The following LRMDA variants were observed in gnomAD, a reference collection of about 807,000 sequenced individuals.
LRMDA encodes leucine-rich melanocyte differentiation-associated protein.
Under a neutral mutation model 29.8 loss-of-function variants are expected in LRMDA, and 18 were observed. That is an observed-to-expected ratio of 0.60 (90% CI 0.42 to 0.90). The LOEUF (loss-of-function observed/expected upper bound fraction) is 0.90. Among genes scored for constraint, LRMDA ranks in the 40% least tolerant of loss-of-function variants. LRMDA has a pLI of 0.00. For synonymous variants in LRMDA, 125 were observed against 109.4 expected (o/e 1.14, Z -0.89); for missense variants, 273 against 273.9 (o/e 1.00, Z 0.02).
At chr10:75,502,517 A>T (rs939014607) in intron 2 of LRMDA, among the ~76,000 whole-genome samples, 1 of 152,066 alleles carries the variant, frequency 6.6e-6, no homozygotes, top group African/African-American at 2.4e-5. Context: ...GAACAGCCCT[A>T]GCTAAATCAC....
chr10:75,967,727 C>T (rs558698099), intron 2 of LRMDA, among the ~76,000 whole-genome samples: 4 of 151,186 alleles, frequency 2.6e-5, no homozygotes, highest in Admixed American at 1.3e-4. Flanking sequence ...GGCACAGAAC[C>T]GGCAAGGTCA....
intron 2 of LRMDA, among the ~76,000 whole-genome samples, chr10:75,830,723 G>A (rs1844326048): frequency 6.6e-6 from 1 of 152,172 alleles, no homozygotes; most frequent in Admixed American, 6.5e-5. Context: ...TGGGGACACA[G>A]AGTCAAACTA....
chr10:75,916,740 C>T (rs943692453), intron 2 of LRMDA, among the ~76,000 whole-genome samples: 1 of 152,204 alleles, frequency 6.6e-6, no homozygotes, highest in Non-Finnish European at 1.5e-5. Flanking sequence ...TTCTCCATCT[C>T]CAGGTGCGAA....
At chr10:75,544,515 T>A (rs1840054353) in intron 2 of LRMDA, among the ~76,000 whole-genome samples, 1 of 152,182 alleles carries the variant, frequency 6.6e-6, no homozygotes, top group African/African-American at 2.4e-5. Flanking sequence ...ACAGTTTTTC[T>A]TGTCTTCCTA....
chr10:76,024,151 A>G (rs1848022967), intron 2 of LRMDA, among the ~76,000 whole-genome samples: 1 of 152,246 alleles, frequency 6.6e-6, no homozygotes, highest in Non-Finnish European at 1.5e-5. Flanking sequence ...TTGACAAGAT[A>G]TTCCTCATCA....
intron 6 of LRMDA, among the ~76,000 whole-genome samples, chr10:76,484,108 C>T (rs1344402026): frequency 1.3e-5 from 2 of 151,464 alleles, no homozygotes; most frequent in Non-Finnish European, 2.9e-5. Context: ...ATTCCCTTTC[C>T]CTTCTTCTTC....
At chr10:76,344,426 T>G (rs1841078349) in intron 6 of LRMDA, among the ~76,000 whole-genome samples, 1 of 152,176 alleles carries the variant, frequency 6.6e-6, no homozygotes, top group African/African-American at 2.4e-5. Context: ...TTCGTATTAT[T>G]TTTAAGGAAA....
At chr10:75,787,945 C>T (rs917163506) in intron 2 of LRMDA, among the ~76,000 whole-genome samples, 10 of 152,222 alleles carry the variant, frequency 6.6e-5, no homozygotes, top group African/African-American at 1.7e-4. Flanking sequence ...AGGAGAATGG[C>T]GTGAACCCAG....
intron 5 of LRMDA, among the ~76,000 whole-genome samples, chr10:76,197,871 G>A (rs1851358011): frequency 6.6e-6 from 1 of 151,590 alleles, no homozygotes; most frequent in South Asian, 2.1e-4. Context: ...GGTGAGTCGA[G>A]ATCGCGCCAC....
In LRMDA at chr10:76,315,930, A is replaced by G. The variant is rs561697562; in HGVS notation, c.517-8471A>G. Among the ~76,000 whole-genome samples the G allele has an allele frequency of 9.2e-5, 14 of 152,256 alleles. No homozygotes were observed. In the South Asian group the frequency reaches 2.7e-3, roughly 29 times the overall value. Reference sequence around the variant, plus strand: ...CCACTCCAATGACCTGCCTGCAGAAAGGAGCTACATACACACTGTGGGTCT... The same window carrying G: ...CCACTCCAATGACCTGCCTGCAGAAGGGAGCTACATACACACTGTGGGTCT... On this transcript the variant is annotated intron_variant, in intron 5 of 6. Coordinates refer to ENST00000611255, the MANE Select transcript of LRMDA (RefSeq NM_001305581.2).
In LRMDA at chr10:76,557,306, C is replaced by G. The variant is rs1335693010; in HGVS notation, c.*18C>G. 3.2e-6 allele frequency: 5 copies of G among 1,578,616 alleles called. No homozygotes were observed. ...AGCTCTGAAGCCAACTTCTGTATAC[C>G]TTCACCCATTTCATGAAAATAAAAT... On this transcript the variant is annotated 3_prime_UTR_variant, in exon 7 of 7. Coordinates refer to ENST00000611255, the MANE Select transcript of LRMDA (RefSeq NM_001305581.2).
intron 2 of LRMDA, among the ~76,000 whole-genome samples, chr10:75,874,292 G>A (rs776010668): frequency 9.9e-5 from 15 of 152,128 alleles, no homozygotes; most frequent in Non-Finnish European, 1.9e-4. Flanking sequence ...CAGAAGAAGG[G>A]ATATGATGTG....
intron 2 of LRMDA, among the ~76,000 whole-genome samples, chr10:75,919,073 T>C (rs949574217): frequency 2.0e-5 from 3 of 152,142 alleles, no homozygotes; most frequent in Non-Finnish European, 4.4e-5. Context: ...AGGAAGTAGG[T>C]GCCGTTATTA....
intron 6 of LRMDA, among the ~76,000 whole-genome samples, chr10:76,436,218 C>T (rs565498544): frequency 2.6e-5 from 4 of 152,250 alleles, no homozygotes; most frequent in Non-Finnish European, 4.4e-5. Flanking sequence ...GGCTGGCTCC[C>T]GCTTCCCACA....
intron 2 of LRMDA, among the ~76,000 whole-genome samples, chr10:75,924,991 C>A (rs1028987724): frequency 5.3e-5 from 8 of 152,136 alleles, no homozygotes; most frequent in African/African-American, 1.9e-4. Context: ...TACAAGTGCA[C>A]CTCGGGTTGC....
intron 5 of LRMDA, among the ~76,000 whole-genome samples, chr10:76,307,053 A>C (rs111297083): frequency 7.2e-5 from 11 of 152,272 alleles, no homozygotes; most frequent in African/African-American, 2.2e-4. Flanking sequence ...CTTGTGGTTC[A>C]GCTCTTAGTC....
chr10:76,253,618 CAT>C (rs1416073255), intron 5 of LRMDA, among the ~76,000 whole-genome samples: 7 of 151,960 alleles, frequency 4.6e-5, no homozygotes, highest in African/African-American at 7.3e-5. Flanking sequence ...TCAACGTGCT[CAT>C]ATATCATATA....
intron 2 of LRMDA, among the ~76,000 whole-genome samples, chr10:75,914,734 C>CA: frequency 6.6e-6 from 1 of 152,310 alleles, no homozygotes; most frequent in Non-Finnish European, 1.5e-5. Flanking sequence ...TGGGTTGAAT[C>CA]ATGTGTATTT....
At chr10:76,043,554 A>T (rs1253450486) in intron 3 of LRMDA, among the ~76,000 whole-genome samples, 5 of 61,142 alleles carry the variant, frequency 8.2e-5, no homozygotes, top group Non-Finnish European at 2.6e-4. Context: ...TTTCAAATTA[A>T]AAAAAAAAAA....
Sources: gnomAD v4.1 joint callset for allele counts (sites outside exome capture counted in the v4.1 genomes callset) on GRCh38, gnomAD v4.1.1 for gene constraint, MANE v1.5 for transcripts, NCBI Gene and HGNC (gene_info 2026-07-23, HGNC 2026-07-21) for gene names.